The following TRABD2B variants were observed in gnomAD, a reference collection of about 807,000 sequenced individuals.
The protein encoded by TRABD2B is TraB domain containing 2B, also known as metalloprotease TIKI2.
TRABD2B carries 14 observed loss-of-function variants against 40.1 expected under a neutral mutation model. The ratio of observed to expected loss-of-function variants is 0.35; its 90% CI spans 0.23 to 0.55. The LOEUF is 0.55. Ranked by LOEUF, TRABD2B falls within the 20% of genes least tolerant of loss-of-function variation. The pLI is 0.90. For missense variants in TRABD2B, 541 were observed against 648.6 expected, an observed-to-expected ratio of 0.83 and a Z score of 1.80; for synonymous variants, 263 against 277.0, an observed-to-expected ratio of 0.95 and a Z score of 0.50.
intron 2 of TRABD2B, among the ~76,000 whole-genome samples, chr1:47,802,647 C>A (rs535247116): frequency 6.6e-6 from 1 of 152,224 alleles, no homozygotes; most frequent in South Asian, 2.1e-4. Context: ...GTCTTTAGGC[C>A]CTGCTCATTC....
chr1:47,992,745 T>A (rs557672348), intron 2 of TRABD2B, among the ~76,000 whole-genome samples: 1 of 152,294 alleles, frequency 6.6e-6, no homozygotes, highest in South Asian at 2.1e-4. Flanking sequence ...TACACAGGAT[T>A]TTCCCCCGTG....
chr1:47,763,025 T>A lies in TRABD2B; in HGVS notation c.*2877A>T, dbSNP rs902426420. 6.6e-6 allele frequency: 1 copy of A among 152,204 alleles called. No individual in the cohort carries two copies. Among genetic ancestry groups the A allele is most frequent in the African/African-American group, 2.4e-5 (1 of 41,446 alleles). The allele number at this position is 152,204 out of a possible 1,614,324, so 9.4% of individuals were successfully genotyped here. A position where few individuals can be genotyped will look rare whatever the true frequency, so the allele number is the denominator to read the frequency against. On this transcript the variant is annotated 3_prime_UTR_variant, in exon 7 of 7. Transcript: ENST00000606738. ...AAAGTCTAAGAAGTGCACACAAATT[T>A]CTCAGAGCAACAGGAGCATTTTATG...
intron 2 of TRABD2B, among the ~76,000 whole-genome samples, chr1:47,858,105 G>A (rs1389350685): frequency 1.3e-5 from 2 of 151,874 alleles, no homozygotes; most frequent in Non-Finnish European, 2.9e-5. Flanking sequence ...TCATACGTAC[G>A]CATTGGAAGA....
chr1:47,947,764 G>T (rs1195732000), intron 2 of TRABD2B, among the ~76,000 whole-genome samples: 1 of 152,214 alleles, frequency 6.6e-6, no homozygotes, highest in Non-Finnish European at 1.5e-5. Flanking sequence ...CACAGGAATA[G>T]CTCACATCTG....
At chr1:47,894,353 A>G (rs925263229) in intron 2 of TRABD2B, among the ~76,000 whole-genome samples, 2 of 152,228 alleles carry the variant, frequency 1.3e-5, no homozygotes, top group Admixed American at 6.5e-5. Flanking sequence ...AAATAAATTC[A>G]TCACATAAAG....
chr1:47,846,712 A>G (rs958937735), intron 2 of TRABD2B, among the ~76,000 whole-genome samples: 2 of 152,056 alleles, frequency 1.3e-5, no homozygotes, highest in African/African-American at 4.8e-5. Flanking sequence ...GACTTACTGT[A>G]TTTTTCAGTT....
chr1:47,947,723 G>T (rs891302302), intron 2 of TRABD2B, among the ~76,000 whole-genome samples: 1 of 152,162 alleles, frequency 6.6e-6, no homozygotes, highest in South Asian at 2.1e-4. Flanking sequence ...GTGTCATGAC[G>T]CTGATGCTGA....
At position 47,914,364 on chromosome 1, in the gene TRABD2B, C is replaced by T. The variant is rs1644801351; in HGVS notation, c.666+79670G>A. Among the ~76,000 whole-genome samples the T allele has an allele frequency of 2.0e-5, 3 of 152,228 alleles. No homozygotes were observed. The South Asian group carries it at 6.2e-4, about 32-fold the overall frequency. ...AAGTGTTTTTCTTAGGGAGTTTCCT[C>T]CCCCTCAGCTATTTCAGGCTACCGT... On this transcript the variant is annotated intron_variant, in intron 2 of 6. Transcript: ENST00000606738.
chr1:47,909,730 C>T (rs1644732146), intron 2 of TRABD2B, among the ~76,000 whole-genome samples: 3 of 148,520 alleles, frequency 2.0e-5, no homozygotes, highest in Admixed American at 2.0e-4. Context: ...TCCCACCAGG[C>T]TCCATCTCAA....
At chr1:47,860,722 G>A (rs1643954914) in intron 2 of TRABD2B, among the ~76,000 whole-genome samples, 1 of 152,084 alleles carries the variant, frequency 6.6e-6, no homozygotes, top group Non-Finnish European at 1.5e-5. Context: ...GGTCATGGGG[G>A]GTCTCTCAAG....
intron 2 of TRABD2B, among the ~76,000 whole-genome samples, chr1:47,944,319 T>C (rs960269188): frequency 1.3e-5 from 2 of 152,122 alleles, no homozygotes; most frequent in African/African-American, 4.8e-5. Context: ...TCAAGAAATA[T>C]TTGTTGAATG....
intron 2 of TRABD2B, among the ~76,000 whole-genome samples, chr1:47,854,760 C>T (rs998205403): frequency 2.0e-5 from 3 of 152,200 alleles, no homozygotes; most frequent in Non-Finnish European, 4.4e-5. Flanking sequence ...CAAGGTCAGG[C>T]TCTGCCCCTG....
chr1:47,802,072 G>A (rs1417855004), intron 2 of TRABD2B, among the ~76,000 whole-genome samples: 2 of 152,200 alleles, frequency 1.3e-5, no homozygotes, highest in South Asian at 4.1e-4. Flanking sequence ...CCTAAAGGCC[G>A]CCTACCCTGG....
Position 47,850,705 on chromosome 1 carries a change from G to A in TRABD2B, c.667-49086C>T, listed in dbSNP as rs570882500. On this transcript the variant is annotated intron_variant, in intron 2 of 6. Transcript: ENST00000606738. ...GCACCACTAAGAAGGAAGTGCAGAC[G>A]GGAGGGAGGGAATGAATGAATCCTG... Among the ~76,000 whole-genome samples, 11 of 152,290 alleles carry A rather than the reference G, an allele frequency of 7.2e-5. No individual in the cohort carries two copies. The East Asian group carries it at 9.7e-4, about 13-fold the overall frequency.
intron 2 of TRABD2B, among the ~76,000 whole-genome samples, chr1:47,909,637 A>G (rs1395505053): frequency 6.6e-6 from 1 of 150,428 alleles, no homozygotes; most frequent in Non-Finnish European, 1.5e-5. Context: ...TCTCATGGGA[A>G]CCAATAGAAT....
At chr1:47,893,356 G>T (rs1470601552) in intron 2 of TRABD2B, among the ~76,000 whole-genome samples, 1 of 152,222 alleles carries the variant, frequency 6.6e-6, no homozygotes, top group Non-Finnish European at 1.5e-5. Context: ...CAGGCAGAGG[G>T]AGTGGCCAGT....
intron 2 of TRABD2B, among the ~76,000 whole-genome samples, chr1:47,858,917 A>G (rs1291734244): frequency 1.3e-5 from 2 of 152,120 alleles, no homozygotes; most frequent in African/African-American, 4.8e-5. Flanking sequence ...GGGCATGGGA[A>G]CCATGGTGGC....
At chr1:47,962,289 A>C (rs138910029) in intron 2 of TRABD2B, among the ~76,000 whole-genome samples, 1,810 of 152,268 alleles carry the variant, frequency 0.012, 23 homozygotes, top group South Asian at 0.067. Flanking sequence ...GTGCAGCACA[A>C]CAACGTGGTA....
At chr1:47,918,033 T>C (rs1644852700) in intron 2 of TRABD2B, among the ~76,000 whole-genome samples, 1 of 152,250 alleles carries the variant, frequency 6.6e-6, no homozygotes, top group Non-Finnish European at 1.5e-5. Flanking sequence ...TAAAGTAATC[T>C]AGCAGTCAGA....
Sources: gnomAD v4.1 joint callset for allele counts (sites outside exome capture counted in the v4.1 genomes callset) on GRCh38, gnomAD v4.1.1 for gene constraint, MANE v1.5 for transcripts, NCBI Gene and HGNC (gene_info 2026-07-23, HGNC 2026-07-21) for gene names.